ADAM22: variants seen among roughly 807,000 people sequenced by gnomAD.
ADAM22 encodes ADAM metallopeptidase domain 22.
ADAM22 carries 65 observed loss-of-function variants against 144.6 expected under a neutral mutation model. The observed-to-expected ratio is 0.45, with a 90% CI of 0.37 to 0.55. The LOEUF (loss-of-function observed/expected upper bound fraction) is 0.55, where lower values mean the gene tolerates loss of function less well. Among genes scored for constraint, ADAM22 ranks in the 20% least tolerant of loss-of-function variants. The probability of loss-of-function intolerance (pLI) is 0.00; values close to 1 mark genes in which losing one functional copy is unlikely to be tolerated. For missense variants in ADAM22, 974 were observed against 1,184.9 expected (o/e 0.82, Z 2.61); for synonymous variants, 391 against 412.6 (o/e 0.95, Z 0.63).
At chr7:87,935,227 G>C in intron 2 of ADAM22, 41 bp downstream of exon 2, 1 of 1,521,420 alleles carries the variant, frequency 6.6e-7, no homozygotes, top group East Asian at 2.4e-5. Flanking sequence ...CGCGCCTCCC[G>C]GCCCACCCGA....
chr7:88,160,876 A>T (rs1265998715), intron 22 of ADAM22, among the ~76,000 whole-genome samples: 1 of 152,124 alleles, frequency 6.6e-6, no homozygotes, highest in African/African-American at 2.4e-5. Context: ...CAAAAACCAA[A>T]CACCGTGTGT....
At chr7:88,133,053 A>C in intron 12 of ADAM22, 102 bp downstream of exon 12, 1 of 1,024,664 alleles carries the variant, frequency 9.8e-7, no homozygotes, top group Non-Finnish European at 1.5e-6. Context: ...TCCAGATGTT[A>C]GATTGCTATA....
At chr7:87,957,765 G>A (rs1218805021) in intron 2 of ADAM22, among the ~76,000 whole-genome samples, 2 of 151,972 alleles carry the variant, frequency 1.3e-5, no homozygotes, top group African/African-American at 2.4e-5. Context: ...TGTATTTTTA[G>A]TAGAAACGGG....
chr7:88,121,253 C>T (rs1240406890), intron 7 of ADAM22, among the ~76,000 whole-genome samples: 5 of 151,910 alleles, frequency 3.3e-5, no homozygotes, highest in African/African-American at 1.2e-4. Context: ...ATTTTAGAAC[C>T]TGCTTGTCAA....
intron 3 of ADAM22, among the ~76,000 whole-genome samples, chr7:87,981,000 T>G (rs1310624078): frequency 1.3e-5 from 2 of 152,162 alleles, no homozygotes; most frequent in African/African-American, 4.8e-5. Flanking sequence ...AGAAGAAAGC[T>G]CAATAAAGAC....
chr7:87,935,348 A>G (rs1840986838), intron 2 of ADAM22, among the ~76,000 whole-genome samples, 162 bp downstream of exon 2: 1 of 152,166 alleles, frequency 6.6e-6, no homozygotes, highest in South Asian at 2.1e-4. Flanking sequence ...AAAGAAGGGG[A>G]AAAGGGTACA....
Position 88,134,589 on chromosome 7 carries a change from A to G in ADAM22, c.1168+170A>G, listed in dbSNP as rs148879510. Among the ~76,000 whole-genome samples, 191 of 152,322 alleles carry G rather than the reference A, an allele frequency of 1.3e-3. 2 individuals are homozygous for G. In the East Asian group the frequency reaches 0.028, roughly 22 times the overall value. On this transcript the variant is annotated intron_variant, in intron 13 of 31. Transcript: ENST00000413139. The stretch of plus-strand genomic sequence containing the variant: ...GTTTTCCAAAGTAATACAAAGAAAT[A>G]TTTACATTATAGGTGGAAATTTCTA...
At chr7:88,114,445 G>GTGTC in intron 5 of ADAM22, 139 bp from the exon 6 acceptor site, 1 of 677,944 alleles carries the variant, frequency 1.5e-6, no homozygotes, top group Non-Finnish European at 2.6e-6. Flanking sequence ...TGTGTGTGGT[G>GTGTC]TGTCTGGAGG....
intron 3 of ADAM22, among the ~76,000 whole-genome samples, chr7:88,020,661 G>A (rs956771116): frequency 3.3e-5 from 5 of 152,088 alleles, no homozygotes; most frequent in Admixed American, 1.3e-4. Context: ...CCACTGCATC[G>A]CGGTGGAATA....
chr7:87,960,971 G>A (rs1847883561), intron 2 of ADAM22, among the ~76,000 whole-genome samples: 1 of 152,154 alleles, frequency 6.6e-6, no homozygotes, highest in South Asian at 2.1e-4. Context: ...CTGGGCTTAT[G>A]TTCTAGCACA....
intron 7 of ADAM22, among the ~76,000 whole-genome samples, chr7:88,122,704 A>T (rs188905450): frequency 1.3e-5 from 2 of 152,352 alleles, no homozygotes; most frequent in East Asian, 3.9e-4. Flanking sequence ...CCCAGGATCC[A>T]GTAATGGGCC....
At chr7:88,039,655 T>A (rs1802612876) in intron 3 of ADAM22, among the ~76,000 whole-genome samples, 1 of 150,514 alleles carries the variant, frequency 6.6e-6, no homozygotes, top group Non-Finnish European at 1.5e-5. Context: ...CTGTGTTTAG[T>A]ATGACCAGTG....
chr7:88,098,242 A>G (rs986003251), intron 4 of ADAM22, among the ~76,000 whole-genome samples: 2 of 152,210 alleles, frequency 1.3e-5, no homozygotes, highest in African/African-American at 4.8e-5. Flanking sequence ...ATAAAGAGAT[A>G]GGAAACTAGA....
chr7:87,943,755 A>C (rs1842920064), intron 2 of ADAM22, among the ~76,000 whole-genome samples: 1 of 152,192 alleles, frequency 6.6e-6, no homozygotes, highest in African/African-American at 2.4e-5. Context: ...AAAGAACGTA[A>C]ATCATTCTCC....
chr7:88,090,756 T>C (rs1819637571), intron 4 of ADAM22, among the ~76,000 whole-genome samples: 1 of 152,170 alleles, frequency 6.6e-6, no homozygotes, highest in Admixed American at 6.6e-5. Context: ...TGAGAAATTA[T>C]TGAATTGAAT....
chr7:88,082,547 G>A (rs1016738144), intron 4 of ADAM22, among the ~76,000 whole-genome samples: 1 of 152,096 alleles, frequency 6.6e-6, no homozygotes, highest in Non-Finnish European at 1.5e-5. Context: ...AGAGTGAACA[G>A]GCAACCTACA....
chr7:88,173,465 T>C (rs1193982465), intron 26 of ADAM22, among the ~76,000 whole-genome samples: 3 of 152,098 alleles, frequency 2.0e-5, no homozygotes, highest in Non-Finnish European at 4.4e-5. Context: ...TGGCAAAGAA[T>C]AGACTTTAGA....
At chr7:88,003,868 G>A (rs990879889) in intron 3 of ADAM22, among the ~76,000 whole-genome samples, 4 of 152,160 alleles carry the variant, frequency 2.6e-5, no homozygotes, top group African/African-American at 9.7e-5. Flanking sequence ...ATGGAACCAG[G>A]GAAATTGCCC....
chr7:88,086,483 A>G (rs910674323), intron 4 of ADAM22, among the ~76,000 whole-genome samples: 4 of 152,238 alleles, frequency 2.6e-5, no homozygotes, highest in African/African-American at 9.6e-5. Flanking sequence ...ATTTTTTTCA[A>G]AGGTTACAAA....
Sources: allele counts gnomAD v4.1 joint callset (sites outside exome capture counted in the v4.1 genomes callset), GRCh38; gene constraint gnomAD v4.1.1; transcripts MANE v1.5; gene names NCBI Gene and HGNC (gene_info 2026-07-23, HGNC 2026-07-21).